Variants in TPRG1 observed in about 807,000 individuals in gnomAD.
TPRG1 encodes the protein tumor protein p63-regulated gene 1 protein.
A neutral mutation model predicts 29.3 loss-of-function variants in TPRG1; 29 were observed. That is an observed-to-expected ratio of 0.99 (90% confidence interval 0.74 to 1.35). TPRG1 has a LOEUF of 1.35. Among genes scored for constraint, TPRG1 ranks in the 40% most tolerant of loss-of-function variants. The probability of loss-of-function intolerance (pLI) is 0.00; values close to 1 mark genes in which losing one functional copy is unlikely to be tolerated. For missense variants in TPRG1, 327 were observed against 335.0 expected, an observed-to-expected ratio of 0.98 and a Z score of 0.19; for synonymous variants, 130 against 116.8, an observed-to-expected ratio of 1.11 and a Z score of -0.73.
At chr3:189,013,006 G>C (rs1712683705) in intron 3 of TPRG1, among the ~76,000 whole-genome samples, 1 of 151,880 alleles carries the variant, frequency 6.6e-6, no homozygotes, top group Non-Finnish European at 1.5e-5. Context: ...AATATCTTTT[G>C]TATTTCTATC....
intron 5 of TPRG1, among the ~76,000 whole-genome samples, chr3:189,152,831 T>C (rs1484097961): frequency 6.6e-6 from 1 of 151,308 alleles, no homozygotes; most frequent in Non-Finnish European, 1.5e-5. Flanking sequence ...GTAGGATTGC[T>C]ACCTGCCATT....
At chr3:189,133,121 T>A (rs1723292637) in intron 3 of TPRG1, among the ~76,000 whole-genome samples, 1 of 152,162 alleles carries the variant, frequency 6.6e-6, no homozygotes, top group South Asian at 2.1e-4. Context: ...TATTCAGGAT[T>A]TAGCAATGAG....
intron 2 of TPRG1, among the ~76,000 whole-genome samples, chr3:189,128,194 G>A (rs1052310362): frequency 3.9e-5 from 6 of 152,290 alleles, no homozygotes; most frequent in Non-Finnish European, 5.9e-5. Context: ...TAATGAATTC[G>A]TTTTGCTAGA....
intron 4 of TPRG1, among the ~76,000 whole-genome samples, chr3:189,279,638 T>C (rs537492803): frequency 1.0e-3 from 154 of 152,280 alleles, no homozygotes; most frequent in Middle Eastern, 3.4e-3. Context: ...TTTAGAACAA[T>C]GCTGAACATA....
chr3:189,164,814 G>A (rs1249172576), intron 5 of TPRG1, among the ~76,000 whole-genome samples: 1 of 152,092 alleles, frequency 6.6e-6, no homozygotes, highest in African/African-American at 2.4e-5. Flanking sequence ...ATGGCATGTT[G>A]TGTGGCAGGT....
Position 189,238,856 on chromosome 3 carries a change from T to C in TPRG1, c.426T>C (p.Ala142=), listed in dbSNP as rs1213977157. The C allele has an allele frequency of 6.2e-7, 1 of 1,613,704 alleles. No individual in the cohort carries two copies. The highest frequency in any genetic ancestry group is 8.5e-7 in the Non-Finnish European group (1 of 1,179,712). The change falls in exon 4 of 6, where the codon GCT becomes GCC. Residue 142 remains alanine, a synonymous_variant. Transcript: ENST00000345063. Reference sequence around the variant, plus strand: ...AGCTGCAGCGGATTCCTCTGAGCGCTGTCTATCGCATCTGCCTGGGCAAGT... The same window carrying C: ...AGCTGCAGCGGATTCCTCTGAGCGCCGTCTATCGCATCTGCCTGGGCAAGT... ...CVQLQRIPLS[A]VYRICLGKFT... is the part of the protein sequence containing the mutation.
intron 4 of TPRG1, among the ~76,000 whole-genome samples, chr3:189,066,048 A>G (rs1003888688): frequency 5.3e-5 from 8 of 152,208 alleles, no homozygotes; most frequent in Admixed American, 5.2e-4. Flanking sequence ...ATGAGCAACT[A>G]TATGCCAATA....
chr3:189,111,612 C>T (rs780580288), intron 1 of TPRG1, among the ~76,000 whole-genome samples: 49 of 152,194 alleles, frequency 3.2e-4, no homozygotes, highest in Admixed American at 6.5e-4. Flanking sequence ...AATGAATTTT[C>T]AACTTATGAT....
At chr3:189,283,840 A>G (rs746296077) in intron 4 of TPRG1, among the ~76,000 whole-genome samples, 90 of 152,364 alleles carry the variant, frequency 5.9e-4, no homozygotes, top group Admixed American at 2.4e-3. Flanking sequence ...TCACAGAGCT[A>G]GTAACTAGCA....
rs539431018 is a variant in TPRG1 at position 189,084,690 on chromosome 3, C to G, written c.-462-42367C>G. Among the ~76,000 whole-genome samples, 18 of 152,352 alleles carry G rather than the reference C, an allele frequency of 1.2e-4. No individual in the cohort carries two copies. The South Asian group carries it at 3.3e-3, about 28-fold the overall frequency. On this transcript the variant is annotated intron_variant, in intron 4 of 10. Coordinates refer to the TPRG1 transcript ENST00000433971. ...TCAGAACTGCCATCTCTCCTCCACCCTCCACTTGGAACACTGTTATGTGGC... is the reference window on the plus strand; with the variant it reads ...TCAGAACTGCCATCTCTCCTCCACCGTCCACTTGGAACACTGTTATGTGGC...
At chr3:189,226,773 A>G (rs1737791871) in intron 3 of TPRG1, among the ~76,000 whole-genome samples, 1 of 150,168 alleles carries the variant, frequency 6.7e-6, no homozygotes, top group Non-Finnish European at 1.5e-5. Context: ...GATCAATAAA[A>G]TGGAAAGCAT....
intron 3 of TPRG1, among the ~76,000 whole-genome samples, chr3:189,237,997 T>C (rs1406793436): frequency 2.0e-5 from 3 of 152,206 alleles, no homozygotes; most frequent in Non-Finnish European, 4.4e-5. Flanking sequence ...AAGAAGCTAT[T>C]GTATTTTATT....
intron 1 of TPRG1, among the ~76,000 whole-genome samples, chr3:189,177,536 A>G (rs1050564099): frequency 5.3e-5 from 8 of 151,708 alleles, no homozygotes; most frequent in African/African-American, 1.7e-4. Flanking sequence ...ATATACATAT[A>G]TATATATGGT....
intron 4 of TPRG1, among the ~76,000 whole-genome samples, chr3:189,040,191 C>T (rs574656685): frequency 1.5e-4 from 23 of 152,234 alleles, no homozygotes; most frequent in East Asian, 1.9e-4. Flanking sequence ...TGAATGGCCT[C>T]ATTGTGGTAG....
chr3:189,022,118 T>C (rs751574421), intron 3 of TPRG1, among the ~76,000 whole-genome samples: 1 of 152,192 alleles, frequency 6.6e-6, no homozygotes, highest in Non-Finnish European at 1.5e-5. Flanking sequence ...TTGGTTATTC[T>C]AGTTATACAT....
chr3:189,159,189 G>T (rs1442647858), intron 5 of TPRG1, among the ~76,000 whole-genome samples: 5 of 152,034 alleles, frequency 3.3e-5, no homozygotes, highest in Non-Finnish European at 5.9e-5. Context: ...CTTGTAAAAA[G>T]TTTAACATGA....
chr3:189,063,106 T>C (rs1036231111), intron 4 of TPRG1, among the ~76,000 whole-genome samples: 1 of 152,058 alleles, frequency 6.6e-6, no homozygotes, highest in Non-Finnish European at 1.5e-5. Context: ...AATGCAGGTG[T>C]GGTGTATTAA....
chr3:189,203,239 T>C (rs1040346148), intron 1 of TPRG1, among the ~76,000 whole-genome samples: 1 of 152,188 alleles, frequency 6.6e-6, no homozygotes, highest in Non-Finnish European at 1.5e-5. Context: ...TAATACTATA[T>C]TAAATTTAGT....
intron 3 of TPRG1, among the ~76,000 whole-genome samples, chr3:189,230,698 G>A (rs552622447): frequency 7.2e-5 from 11 of 152,226 alleles, no homozygotes; most frequent in African/African-American, 9.6e-5. Flanking sequence ...GAATGTAAGC[G>A]CCAGAGGAAT....
Sources: allele counts gnomAD v4.1 joint callset (sites outside exome capture counted in the v4.1 genomes callset), GRCh38; gene constraint gnomAD v4.1.1; transcripts MANE v1.5; gene names NCBI Gene and HGNC (gene_info 2026-07-23, HGNC 2026-07-21).